Variants in UMODL1 observed in about 807,000 individuals in gnomAD.
UMODL1 encodes uromodulin like 1.
UMODL1 carries 128 observed loss-of-function variants against 136.3 expected under a neutral mutation model. That is an observed-to-expected ratio of 0.94 (90% confidence interval 0.81 to 1.09). The LOEUF is 1.09. Ranked by LOEUF, UMODL1 falls within the 50% of genes least tolerant of loss-of-function variation. UMODL1 has a pLI of 0.00. For missense variants in UMODL1, 1,766 were observed against 1,725.6 expected (o/e 1.02, Z -0.41); for synonymous variants, 721 against 720.0 (o/e 1.00, Z -0.02).
Position 42,126,386 on chromosome 21 carries a change from C to T in UMODL1, c.3189C>T (p.Asp1063=), listed in dbSNP as rs1355933347. The part of the protein sequence containing the change: ...NTVVRTTLRN[D]LSQEGIIHHL... ...TGGTGAGGACCACGCTGAGGAACGACCTGTCCCAGGAGGGCATCATCCACC... is the reference window on the plus strand; with the variant it reads ...TGGTGAGGACCACGCTGAGGAACGATCTGTCCCAGGAGGGCATCATCCACC... Residue 1063 remains aspartate (D), a synonymous_variant, in exon 18 of 23, where the codon GAC becomes GAT. Transcript: ENST00000408910. The T allele has an allele frequency of 4.3e-6, 7 of 1,614,210 alleles. No homozygotes were observed. In the South Asian group the frequency reaches 6.6e-5, roughly 15 times the overall value.
intron 18 of UMODL1, among the ~76,000 whole-genome samples, 180 bp downstream of exon 18, chr21:42,126,670 A>G (rs1263727345): frequency 6.6e-6 from 1 of 152,204 alleles, no homozygotes; most frequent in Non-Finnish European, 1.5e-5. Flanking sequence ...TAGCCAGAGA[A>G]GGCCAAATAT....
intron 9 of UMODL1, among the ~76,000 whole-genome samples, chr21:42,108,997 C>A (rs1462837902): frequency 7.5e-6 from 1 of 132,478 alleles, no homozygotes; most frequent in East Asian, 2.4e-4. Context: ...CTCAGCTGGA[C>A]CCCCACCCCC....
At chr21:42,101,308 C>T (rs911567255) in intron 7 of UMODL1, among the ~76,000 whole-genome samples, 4 of 152,044 alleles carry the variant, frequency 2.6e-5, no homozygotes, top group Admixed American at 2.6e-4. Flanking sequence ...GCCTGAGAAT[C>T]GGAGGCCACA....
rs1476007940 is a variant in UMODL1 at position 42,109,453 on chromosome 21, G to A, written c.1520-109G>A. The A allele has an allele frequency of 2.0e-6, 3 of 1,498,114 alleles. No homozygotes were observed. In the African/African-American group the frequency reaches 4.1e-5, roughly 20 times the overall value. 92.8% of individuals were successfully genotyped at this position (1,498,114 alleles called of 1,614,324 possible). On this transcript the variant is annotated intron_variant, in intron 9 of 22. Transcript: ENST00000408910. Reference sequence around the variant, plus strand: ...ATGCCCCAAAATGCCCCTGCTCCCGGCCGTTCACTGCAAAGACGGCTAGGA... The same window carrying A: ...ATGCCCCAAAATGCCCCTGCTCCCGACCGTTCACTGCAAAGACGGCTAGGA...
chr21:42,122,743 C>A lies in UMODL1; in HGVS notation c.2828-88C>A. The A allele has an allele frequency of 1.5e-6, 2 of 1,359,332 alleles. No homozygotes were observed. Among genetic ancestry groups the A allele is most frequent in the Non-Finnish European group, 2.0e-6 (2 of 1,016,658 alleles). 84.2% of individuals were successfully genotyped at this position (1,359,332 alleles called of 1,614,324 possible). A position where few individuals can be genotyped will look rare whatever the true frequency, so the allele number is the denominator to read the frequency against. ...GGTGTGGCTGCTGCAGAGTGCAGGG[C>A]AGCTCCAGTCTGCTCCTTACCCCTG... is the stretch of plus-strand genomic sequence containing the variant. On this transcript the variant is annotated intron_variant, in intron 16 of 22. Coordinates refer to ENST00000408910, the MANE Select transcript of UMODL1 (RefSeq NM_001004416.3). The surrounding 1 kb of genome is among the most constrained non-coding windows in gnomAD (Gnocchi z 4.3).
intron 17 of UMODL1, among the ~76,000 whole-genome samples, chr21:42,124,441 A>G (rs2067024304): frequency 6.6e-6 from 1 of 152,014 alleles, no homozygotes; most frequent in African/African-American, 2.4e-5. Flanking sequence ...TGAGTGAGAG[A>G]GCTGTGAATG....
Position 42,127,033 on chromosome 21 carries a change from C to A in UMODL1, c.3321C>A (p.His1107Gln), listed in dbSNP as rs1274051803. The change falls in exon 19 of 23, where the codon CAC becomes CAA. Residue 1107 changes from histidine to glutamine, a missense_variant. His to Gln is a conservative substitution (Grantham distance 24). Coordinates refer to ENST00000408910, the MANE Select transcript of UMODL1 (RefSeq NM_001004416.3). ...TTTACACCATCATCGAGGACCTCCA[C>A]GGCGCTGGGAATTTTGTTACCGAAA... Reference protein sequence around the residue: ...WGVYTIIEDLHGAGNFVTEMQ... With the variant: ...WGVYTIIEDLQGAGNFVTEMQ... 6.2e-7 allele frequency: 1 copy of A among 1,614,160 alleles called. No homozygotes were observed. Among genetic ancestry groups the A allele is most frequent in the Non-Finnish European group, 8.5e-7 (1 of 1,180,006 alleles).
intron 21 of UMODL1, among the ~76,000 whole-genome samples, chr21:42,133,690 T>C (rs772910572): frequency 2.0e-5 from 3 of 152,204 alleles, no homozygotes; most frequent in Non-Finnish European, 2.9e-5. Flanking sequence ...ATGTGCCCAA[T>C]CTTTGGTGGA....
At chr21:42,118,887 G>T (rs563118855) in intron 14 of UMODL1, among the ~76,000 whole-genome samples, 6 of 152,178 alleles carry the variant, frequency 3.9e-5, no homozygotes, top group South Asian at 2.1e-4. Context: ...ACTGGTTTGG[G>T]GGGGGAAACA....
At chr21:42,129,679 T>C (rs755022018) in intron 20 of UMODL1, 34 bp from the exon 21 acceptor site, 1 of 1,536,866 alleles carries the variant, frequency 6.5e-7, no homozygotes, top group Non-Finnish European at 8.8e-7. Flanking sequence ...GTTCAATTAA[T>C]TTGACGTTTC....
chr21:42,115,179 CA>C (rs758998106), intron 13 of UMODL1, among the ~76,000 whole-genome samples: 1 of 152,188 alleles, frequency 6.6e-6, no homozygotes, highest in African/African-American at 2.4e-5. Flanking sequence ...AGGCGCTTTG[CA>C]AATATCTGGT....
At chr21:42,133,006 G>A (rs1601282274) in intron 21 of UMODL1, among the ~76,000 whole-genome samples, 1 of 152,236 alleles carries the variant, frequency 6.6e-6, no homozygotes, top group East Asian at 1.9e-4. Context: ...TAATAAGGGT[G>A]TAATTTCTCA....
At position 42,076,188 on chromosome 21, in the gene UMODL1, C is replaced by T. The variant is rs1237471412; in HGVS notation, c.260C>T (p.Ser87Phe). 1.2e-6 allele frequency: 2 copies of T among 1,614,118 alleles called. No homozygotes were observed. Among genetic ancestry groups the T allele is most frequent in the Non-Finnish European group, 1.7e-6 (2 of 1,180,056 alleles). ...TQYLVVEVPE[S>F]RNVTDCCEGY... ...TACCTGGTAGTGGAGGTCCCCGAGT[C>T]CAGGAACGTGACTGACTGCTGTGAG... Residue 87 changes from serine (S) to phenylalanine (F), a missense_variant, in exon 2 of 23, where the codon TCC (serine) becomes TTC (phenylalanine). Physicochemically the swap from Ser to Phe is radical, Grantham distance 155. Coordinates refer to ENST00000408910, the MANE Select transcript of UMODL1 (RefSeq NM_001004416.3).
chr21:42,071,041 T>G (rs1018484551), upstream of UMODL1, among the ~76,000 whole-genome samples: 2 of 152,180 alleles, frequency 1.3e-5, no homozygotes, highest in South Asian at 4.1e-4. Context: ...TACTCACCTT[T>G]CCTAAAAGAT....
chr21:42,125,660 A>C (rs935021552), intron 17 of UMODL1, among the ~76,000 whole-genome samples: 5 of 152,124 alleles, frequency 3.3e-5, no homozygotes, highest in African/African-American at 1.2e-4. Context: ...ATGGGCGGTG[A>C]TCAGTGGCTC....
chr21:42,106,130 C>T (rs374677926), intron 9 of UMODL1, among the ~76,000 whole-genome samples: 5 of 152,140 alleles, frequency 3.3e-5, no homozygotes, highest in African/African-American at 9.7e-5. Flanking sequence ...GGGAGGCGGC[C>T]CTGCCTCTGC....
rs993939468 is a variant in UMODL1, at chr21:42,085,114, C to T, written c.482-177C>T. On this transcript the variant is annotated intron_variant, in intron 3 of 22. Transcript: ENST00000408910. This position sits in a 1 kb window ranked among gnomAD's most constrained non-coding sequence, Gnocchi z 4.5. The stretch of plus-strand genomic sequence containing the variant: ...CATTAGGATGGAGAGGAGCGAGGGG[C>T]GGGCAGTGAGGACATCCCCCGTCTC... 1.3e-5 allele frequency among the ~76,000 whole-genome samples: 2 copies of T among 151,984 alleles called. No individual in the cohort carries two copies. The highest frequency in any genetic ancestry group is 2.4e-5 in the African/African-American group (1 of 41,370).
chr21:42,103,781 A>G (rs2066670591), intron 8 of UMODL1, 87 bp from the exon 9 acceptor site: 1 of 1,491,362 alleles, frequency 6.7e-7, no homozygotes, highest in South Asian at 1.1e-5. Flanking sequence ...AAATGGCTCC[A>G]AGCACCATCC....
At chr21:42,127,539 G>A (rs1448811067) in intron 19 of UMODL1, 133 bp from the exon 20 acceptor site, 16 of 1,111,670 alleles carry the variant, frequency 1.4e-5, no homozygotes, top group Non-Finnish European at 1.9e-5. Context: ...CAAATGAGGT[G>A]CCCGGTCCTC....
Sources: gnomAD v4.1 joint callset for allele counts (sites outside exome capture counted in the v4.1 genomes callset) on GRCh38, gnomAD v4.1.1 for gene constraint, Gnocchi (gnomAD v3.1) non-coding constraint, MANE v1.5 for transcripts, NCBI Gene and HGNC (gene_info 2026-07-23, HGNC 2026-07-21) for gene names.